Variants in BEST3 observed in about 807,000 individuals in gnomAD.
The protein encoded by BEST3 is bestrophin-3.
Under a neutral mutation model 47.1 loss-of-function variants are expected in BEST3, and 50 were observed. That is an observed-to-expected ratio of 1.06 (90% CI 0.85 to 1.34). The LOEUF (loss-of-function observed/expected upper bound fraction) is 1.34, where lower values mean the gene tolerates loss of function less well. Among genes scored for constraint, BEST3 ranks in the 40% most tolerant of loss-of-function variants. The probability of loss-of-function intolerance (pLI) is 0.00; values close to 1 mark genes in which losing one functional copy is unlikely to be tolerated. For synonymous variants in BEST3, 282 were observed against 298.8 expected (o/e 0.94, Z 0.58); for missense variants, 765 against 817.0 (o/e 0.94, Z 0.78).
downstream of BEST3, among the ~76,000 whole-genome samples, chr12:69,648,739 C>T (rs1883118024): frequency 6.6e-6 from 1 of 152,168 alleles, no homozygotes; most frequent in Non-Finnish European, 1.5e-5. Flanking sequence ...TCACCAATTC[C>T]TTGATGTTAT....
intron 9 of BEST3, chr12:69,669,985 C>T: frequency 6.4e-6 from 1 of 157,288 alleles, no homozygotes; most frequent in South Asian, 1.9e-4. Context: ...CACAATGATG[C>T]TCTGATTCTA....
chr12:69,668,766 C>G (rs138267711), intron 9 of BEST3, among the ~76,000 whole-genome samples: 5 of 152,088 alleles, frequency 3.3e-5, no homozygotes, highest in Non-Finnish European at 5.9e-5. Flanking sequence ...ATATTGTCTC[C>G]CTGTTGATAG....
intron 9 of BEST3, chr12:69,659,990 G>A (rs1248903773): frequency 1.3e-5 from 2 of 151,876 alleles, no homozygotes; most frequent in Non-Finnish European, 2.9e-5. Flanking sequence ...CAGTTTCCAG[G>A]GATAAAATTT....
intron 5 of BEST3, among the ~76,000 whole-genome samples, chr12:69,678,177 C>T (rs1386555076): frequency 1.3e-5 from 2 of 152,182 alleles, no homozygotes; most frequent in East Asian, 1.9e-4. Context: ...AATTCACTTC[C>T]GTTAGCCTAA....
At chr12:69,679,349 G>C (rs1885105381) in intron 4 of BEST3, among the ~76,000 whole-genome samples, 1 of 152,160 alleles carries the variant, frequency 6.6e-6, no homozygotes, top group African/African-American at 2.4e-5. Context: ...TCCTTTCCAA[G>C]TCCTACTTAA....
rs1454647863 is a variant in BEST3, at chr12:69,655,772, T to TC, written c.1141dup (p.Asp381GlyfsTer3). On this transcript the variant is annotated frameshift_variant, in exon 10 of 10. Transcript: ENST00000330891. LOFTEE classifies it low-confidence loss of function (END_TRUNC). ...ATGCCGATGGCCATGCTTCTCATAA[T>TC]CCCACAGCCACTCCTCGTCAGGAAA... 6.2e-7 allele frequency: 1 copy of TC among 1,612,456 alleles called. No individual in the cohort carries two copies. Among genetic ancestry groups the TC allele is most frequent in the East Asian group, 2.2e-5 (1 of 44,842 alleles).
In BEST3 at chr12:69,655,678, G is replaced by T. The variant is rs775940932; in HGVS notation, c.1236C>A (p.Ser412Arg). The change falls in exon 10 of 10, where the codon AGC (serine) becomes AGA (arginine). Residue 412 changes from serine (S) to arginine (R), a missense_variant. By Grantham distance (110) the Ser-to-Arg change is moderately radical (BLOSUM62 -1). Coordinates refer to ENST00000330891, the MANE Select transcript of BEST3 (RefSeq NM_032735.3). ...HEHPSSPRRR[S>R]YRRQTSDSSM... ...AGCTGTCACTTGTCTGCCTCCTGTAGCTTCTTCTTCTGGGGCTGGAGGGGT... is the reference window on the plus strand; with the variant it reads ...AGCTGTCACTTGTCTGCCTCCTGTATCTTCTTCTTCTGGGGCTGGAGGGGT... 21 of 1,614,000 alleles carry T rather than the reference G, an allele frequency of 1.3e-5. No individual in the cohort carries two copies. The highest frequency in any genetic ancestry group is 1.6e-5 in the Non-Finnish European group (19 of 1,179,986).
rs1389131119 is a variant in BEST3, at chr12:69,686,253, T to A, written c.482-7360A>T. ...TACCAGATTCAATTAATTTTGTGAA[T>A]GTTACATAATATGTTATATAAAAGT... On this transcript the variant is annotated intron_variant, in intron 4 of 9. Coordinates refer to ENST00000330891, the MANE Select transcript of BEST3 (RefSeq NM_032735.3). 2.0e-5 allele frequency among the ~76,000 whole-genome samples: 3 copies of A among 151,372 alleles called. No homozygotes were observed. In the South Asian group the frequency reaches 6.2e-4, roughly 32 times the overall value.
At chr12:69,671,962 C>T (rs1327574285) in intron 8 of BEST3, among the ~76,000 whole-genome samples, 6 of 152,164 alleles carry the variant, frequency 3.9e-5, no homozygotes, top group East Asian at 1.9e-4. Context: ...GTGAAGATTC[C>T]GCTTTTCATT....
chr12:69,660,491 A>G (rs752670645), intron 9 of BEST3: 1 of 152,226 alleles, frequency 6.6e-6, no homozygotes, highest in Non-Finnish European at 1.5e-5. Context: ...AAATATAAGA[A>G]CTGGAAGAAG....
chr12:69,654,241 G>T lies in BEST3; in HGVS notation c.*666C>A. The T allele has an allele frequency of 1.0e-6, 1 of 984,900 alleles. No homozygotes were observed. The highest frequency in any genetic ancestry group is 1.2e-6 in the Non-Finnish European group (1 of 829,610). The allele number at this position is 984,900 out of a possible 1,614,324, so 61.0% of individuals were successfully genotyped here. On this transcript the variant is annotated 3_prime_UTR_variant, in exon 10 of 10. Transcript: ENST00000330891. ...AATGGGACAGATTACTAGAAAAGCAGCACAACCAGGGAGAAGGGAAGGGAA... is the reference window on the plus strand; with the variant it reads ...AATGGGACAGATTACTAGAAAAGCATCACAACCAGGGAGAAGGGAAGGGAA...
rs1335606229 is a variant in BEST3 at position 69,653,929 on chromosome 12, T to C, written c.*978A>G. 1 of 985,346 alleles carries C rather than the reference T, an allele frequency of 1.0e-6. No individual in the cohort carries two copies. Among genetic ancestry groups the C allele is most frequent in the African/African-American group, 1.7e-5 (1 of 57,250 alleles). The allele number at this position is 985,346 out of a possible 1,614,324, so 61.0% of individuals were successfully genotyped here. A position where few individuals can be genotyped will look rare whatever the true frequency, so the allele number is the denominator to read the frequency against. On this transcript the variant is annotated 3_prime_UTR_variant, in exon 10 of 10. Transcript: ENST00000330891. ...AGATGTGAGTCATCTTATTCTTTGG[T>C]TCCATAGCATTTGGCTATGCAAATT...
chr12:69,654,645 TAAGA>T lies in BEST3; in HGVS notation c.*258_*261del. On this transcript the variant is annotated 3_prime_UTR_variant, in exon 10 of 10. Coordinates refer to ENST00000330891, the MANE Select transcript of BEST3 (RefSeq NM_032735.3). ...TGTTTTTCAGATTCCTTTTTTTGGT[TAAGA>T]CTTATTTGGCTAAATCACTGTGGTC... The T allele has an allele frequency of 8.3e-7, 1 of 1,202,276 alleles. No homozygotes were observed. The highest frequency in any genetic ancestry group is 1.0e-6 in the Non-Finnish European group (1 of 966,158). The allele number at this position is 1,202,276 out of a possible 1,614,324, so 74.5% of individuals were successfully genotyped here.
At chr12:69,651,754 C>A (rs1436188211), downstream of BEST3, among the ~76,000 whole-genome samples, 2 of 135,006 alleles carry the variant, frequency 1.5e-5, no homozygotes, top group Admixed American at 1.7e-4. Context: ...CAGCTCTGGG[C>A]GACAAAGTGA....
intron 9 of BEST3, chr12:69,660,419 G>C (rs934976235): frequency 6.6e-6 from 1 of 152,158 alleles, no homozygotes; most frequent in Non-Finnish European, 1.5e-5. Context: ...ACCTTCAAAA[G>C]GGATGACTTA....
intron 9 of BEST3, chr12:69,670,476 G>A (rs547657191): frequency 1.0e-5 from 7 of 702,932 alleles, no homozygotes; most frequent in African/African-American, 8.7e-5. Flanking sequence ...GTCTGGAAAG[G>A]TTTTCAGCCT....
chr12:69,693,245 C>CTTTTTTTT (rs71094730), intron 4 of BEST3, among the ~76,000 whole-genome samples: 11 of 136,630 alleles, frequency 8.1e-5, no homozygotes, highest in East Asian at 4.3e-4. Context: ...CTCTCTCTCT[C>CTTTTTTTT]TTTTTTTTTT....
chr12:69,685,029 C>CTATTCTATTCTAT (rs754551299), intron 4 of BEST3, among the ~76,000 whole-genome samples: 18 of 150,538 alleles, frequency 1.2e-4, no homozygotes, highest in South Asian at 1.1e-3. Flanking sequence ...CTATTCTATT[C>CTATTCTATTCTAT]TATTCTATTG....
chr12:69,659,091 G>T (rs1883707155), intron 9 of BEST3, among the ~76,000 whole-genome samples: 1 of 152,160 alleles, frequency 6.6e-6, no homozygotes. Flanking sequence ...TTAGAAGCAC[G>T]CTTGGTGATC....
Sources: gnomAD v4.1 joint callset for allele counts (sites outside exome capture counted in the v4.1 genomes callset) on GRCh38, gnomAD v4.1.1 for gene constraint, MANE v1.5 for transcripts, NCBI Gene and HGNC (gene_info 2026-07-23, HGNC 2026-07-21) for gene names.